The following MAGI2 variants were observed in gnomAD, a reference collection of about 807,000 sequenced individuals.
MAGI2 encodes the protein membrane-associated guanylate kinase, WW and PDZ domain-containing protein 2.
MAGI2 carries 35 observed loss-of-function variants against 133.3 expected under a neutral mutation model. The ratio of observed to expected loss-of-function variants is 0.26; its 90% CI spans 0.20 to 0.35. The LOEUF is 0.35. MAGI2 is among the 10% of genes least tolerant of loss of function. The pLI is 1.00. For synonymous variants in MAGI2, 729 were observed against 710.6 expected (o/e 1.03, Z -0.41); for missense variants, 1,636 against 1,863.4 (o/e 0.88, Z 2.25).
At chr7:79,184,125 A>G (rs1207257965) in intron 1 of MAGI2, among the ~76,000 whole-genome samples, 3 of 151,818 alleles carry the variant, frequency 2.0e-5, no homozygotes, top group African/African-American at 7.3e-5. Context: ...CAAAATTGCT[A>G]AAAGAATAGA....
In MAGI2 at chr7:79,384,658, T is replaced by C. The variant is rs1279007209; in HGVS notation, c.301+68362A>G. Among the ~76,000 whole-genome samples, 4 of 151,794 alleles carry C rather than the reference T, an allele frequency of 2.6e-5. No homozygotes were observed. In the East Asian group the frequency reaches 7.7e-4, roughly 29 times the overall value. On this transcript the variant is annotated intron_variant, in intron 1 of 21. Transcript: ENST00000354212. ...GTTTCACAGGTAAATATTTGCAAAC[T>C]TACCAACTTATATATATTAAATAGG...
intron 20 of MAGI2, among the ~76,000 whole-genome samples, chr7:78,080,792 A>G (rs892399220): frequency 1.3e-5 from 2 of 151,928 alleles, no homozygotes; most frequent in African/African-American, 2.4e-5. Flanking sequence ...TTAATTCCCA[A>G]TCCTGGTTAA....
At chr7:79,119,149 G>A (rs114404328) in intron 1 of MAGI2, among the ~76,000 whole-genome samples, 228 of 152,188 alleles carry the variant, frequency 1.5e-3, no homozygotes, top group African/African-American at 4.6e-3. Context: ...AGAAATCAGC[G>A]AAGTAATTTC....
chr7:78,463,585 C>T (rs901808921), intron 6 of MAGI2, among the ~76,000 whole-genome samples: 2 of 152,064 alleles, frequency 1.3e-5, no homozygotes, highest in African/African-American at 2.4e-5. Context: ...GTAGATGCTA[C>T]CATGTGAGGT....
intron 14 of MAGI2, among the ~76,000 whole-genome samples, chr7:78,169,847 T>C (rs939677373): frequency 4.6e-5 from 7 of 152,204 alleles, no homozygotes; most frequent in Non-Finnish European, 8.8e-5. Context: ...AAGTTGGGTA[T>C]GCTCTGATAT....
intron 2 of MAGI2, among the ~76,000 whole-genome samples, chr7:78,791,235 G>T (rs867410897): frequency 1.3e-5 from 2 of 152,042 alleles, no homozygotes; most frequent in Admixed American, 6.6e-5. Context: ...AAGAGAGAGA[G>T]AAAAGTTTAA....
chr7:79,317,068 G>A (rs1421471715), intron 1 of MAGI2, among the ~76,000 whole-genome samples: 2 of 145,704 alleles, frequency 1.4e-5, no homozygotes, highest in African/African-American at 5.1e-5. Flanking sequence ...TGTTGCCCAG[G>A]CTGGAGTGCA....
chr7:79,100,622 C>T (rs943559576), intron 1 of MAGI2, among the ~76,000 whole-genome samples: 3 of 150,838 alleles, frequency 2.0e-5, no homozygotes, highest in African/African-American at 7.3e-5. Context: ...AATATTTTTT[C>T]CTGATTATGG....
chr7:78,185,987 T>C (rs1039356848), intron 12 of MAGI2, among the ~76,000 whole-genome samples: 1 of 152,164 alleles, frequency 6.6e-6, no homozygotes, highest in African/African-American at 2.4e-5. Flanking sequence ...TATTTGAAAG[T>C]AAAGTCAATC....
rs886106483 is a variant in MAGI2, at chr7:78,911,550, G to A, written c.418+95540C>T. ...CAGACACTAAACCTGTCAGCATCTTGATCTTGAACTTCCCACCCTCCAGAA... is the reference window on the plus strand; with the variant it reads ...CAGACACTAAACCTGTCAGCATCTTAATCTTGAACTTCCCACCCTCCAGAA... On this transcript the variant is annotated intron_variant, in intron 2 of 21. Coordinates refer to ENST00000354212, the MANE Select transcript of MAGI2 (RefSeq NM_012301.4). 2.6e-5 allele frequency among the ~76,000 whole-genome samples: 4 copies of A among 152,006 alleles called. No homozygotes were observed. In the South Asian group the frequency reaches 6.2e-4, roughly 24 times the overall value.
At chr7:78,280,326 G>A (rs1795441811) in intron 9 of MAGI2, among the ~76,000 whole-genome samples, 1 of 152,046 alleles carries the variant, frequency 6.6e-6, no homozygotes, top group Non-Finnish European at 1.5e-5. Context: ...GGTGGTTACT[G>A]GTGGATACCA....
chr7:79,427,677 T>C (rs1327769201), intron 1 of MAGI2, among the ~76,000 whole-genome samples: 1 of 152,134 alleles, frequency 6.6e-6, no homozygotes, highest in Non-Finnish European at 1.5e-5. Flanking sequence ...CAAATACACG[T>C]AGAAAGTTGT....
intron 6 of MAGI2, among the ~76,000 whole-genome samples, chr7:78,420,186 C>A (rs1798671200): frequency 6.6e-6 from 1 of 152,122 alleles, no homozygotes; most frequent in African/African-American, 2.4e-5. Context: ...ACCAGAACAA[C>A]AGCAACTAGA....
At chr7:78,605,862 G>A (rs747813765) in intron 3 of MAGI2, among the ~76,000 whole-genome samples, 12 of 152,168 alleles carry the variant, frequency 7.9e-5, no homozygotes, top group Non-Finnish European at 1.6e-4. Flanking sequence ...ACTGTGACGG[G>A]AGGTACTCGA....
intron 21 of MAGI2, among the ~76,000 whole-genome samples, chr7:78,062,550 T>C (rs1377228909): frequency 1.3e-5 from 2 of 152,242 alleles, no homozygotes; most frequent in Non-Finnish European, 2.9e-5. Flanking sequence ...TTCTCTCTGG[T>C]TCTCTTCCTG....
intron 6 of MAGI2, 68 bp downstream of exon 6, chr7:78,489,693 T>A: frequency 8.5e-7 from 1 of 1,177,560 alleles, no homozygotes. Context: ...CAGGTGAGAC[T>A]CTCATTTAAG....
At chr7:78,080,458 A>G (rs1815830541) in intron 20 of MAGI2, among the ~76,000 whole-genome samples, 1 of 152,238 alleles carries the variant, frequency 6.6e-6, no homozygotes, top group South Asian at 2.1e-4. Flanking sequence ...GGCAACGGGC[A>G]TAACTTGAAT....
chr7:78,549,756 T>C (rs1799177053), intron 3 of MAGI2, among the ~76,000 whole-genome samples: 1 of 152,186 alleles, frequency 6.6e-6, no homozygotes, highest in African/African-American at 2.4e-5. Flanking sequence ...AAAACACAAG[T>C]ATAATATGTC....
chr7:79,371,142 A>G (rs368575261), intron 1 of MAGI2, among the ~76,000 whole-genome samples: 4 of 152,118 alleles, frequency 2.6e-5, no homozygotes, highest in Non-Finnish European at 2.9e-5. Context: ...CTAAAATCCG[A>G]TAACAGTTTA....
Sources: allele counts gnomAD v4.1 joint callset (sites outside exome capture counted in the v4.1 genomes callset), GRCh38; gene constraint gnomAD v4.1.1; transcripts MANE v1.5; gene names NCBI Gene and HGNC (gene_info 2026-07-23, HGNC 2026-07-21).